The following UNK variants were observed in gnomAD, a reference collection of about 807,000 sequenced individuals.
The protein encoded by UNK is RING finger protein unkempt homolog.
In UNK, 32 loss-of-function variants were observed where a neutral mutation model predicts 97.6. That is an observed-to-expected ratio of 0.33 (90% CI 0.25 to 0.44). The LOEUF is 0.44. Ranked by LOEUF, UNK falls within the 20% of genes least tolerant of loss-of-function variation. The pLI, the probability that UNK is intolerant of heterozygous loss-of-function variation, is 1.00. For synonymous variants in UNK, 441 were observed against 461.2 expected (o/e 0.96, Z 0.56); for missense variants, 771 against 1,098.4 (o/e 0.70, Z 4.21).
chr17:75,818,724 C>A lies in UNK; in HGVS notation c.1454C>A (p.Pro485His). 2 of 1,613,310 alleles carry A rather than the reference C, an allele frequency of 1.2e-6. No homozygotes were observed. Among genetic ancestry groups the A allele is most frequent in the Non-Finnish European group, 1.7e-6 (2 of 1,179,580 alleles). ...SSITSSLAAT[P>H]PSPVGTSSVP... Reference sequence around the variant, plus strand: ...ATCACCTCCAGCCTGGCAGCTACCCCCCCTAGCCCAGTGGGCACCAGCAGC... The same window carrying A: ...ATCACCTCCAGCCTGGCAGCTACCCACCCTAGCCCAGTGGGCACCAGCAGC... The change falls in exon 11 of 16, where the codon CCC becomes CAC. Residue 485 changes from proline to histidine, a missense_variant. By Grantham distance (77) the Pro-to-His change is moderately conservative. Coordinates refer to ENST00000589666, the MANE Select transcript of UNK (RefSeq NM_001080419.3). This position sits in a 1 kb window ranked among gnomAD's most constrained non-coding sequence, Gnocchi z 5.1.
intron 4 of UNK, among the ~76,000 whole-genome samples, chr17:75,812,872 GTC>G (rs1017928367): frequency 5.3e-5 from 8 of 152,252 alleles, no homozygotes; most frequent in African/African-American, 1.9e-4. Flanking sequence ...AGCTGTGAGT[GTC>G]TCTCTGATGG....
At chr17:75,799,006 C>CA (rs1196606502) in intron 1 of UNK, among the ~76,000 whole-genome samples, 1 of 151,400 alleles carries the variant, frequency 6.6e-6, no homozygotes, top group East Asian at 1.9e-4. Context: ...GCGGAGCTTG[C>CA]AGTGAGCCGA....
chr17:75,785,260 T>G (rs1439654479), intron 1 of UNK: 5 of 409,024 alleles, frequency 1.2e-5, no homozygotes, highest in Non-Finnish European at 2.2e-5. Flanking sequence ...AGGCCAGGCC[T>G]TCGAGGCCTA....
At chr17:75,795,259 A>G (rs1444644333) in intron 1 of UNK, among the ~76,000 whole-genome samples, 2 of 152,082 alleles carry the variant, frequency 1.3e-5, no homozygotes, top group African/African-American at 4.8e-5. Flanking sequence ...GGGTCATAAA[A>G]CTGGAGGTTT....
In UNK at chr17:75,819,892, G is replaced by C; in HGVS notation, c.1649-28G>C. The C allele has an allele frequency of 6.2e-7, 1 of 1,602,316 alleles. No individual in the cohort carries two copies. The highest frequency in any genetic ancestry group is 1.3e-5 in the African/African-American group (1 of 74,836). On this transcript the variant is annotated intron_variant, in intron 12 of 15. Transcript: ENST00000589666. This position sits in a 1 kb window ranked among gnomAD's most constrained non-coding sequence, Gnocchi z 5.4. Reference sequence around the variant, plus strand: ...GCCTGGCTTCCGCTGCCCTCACCCAGCCCGTCCTCCCCGGGCCTCTCTTGC... The same window carrying C: ...GCCTGGCTTCCGCTGCCCTCACCCACCCCGTCCTCCCCGGGCCTCTCTTGC...
chr17:75,796,917 G>A (rs2143700863), intron 1 of UNK, among the ~76,000 whole-genome samples: 1 of 152,266 alleles, frequency 6.6e-6, no homozygotes, highest in Non-Finnish European at 1.5e-5. Flanking sequence ...AAGAACCTTT[G>A]ATAAGCCGTG....
At chr17:75,823,807 G>A (rs1162739637) in intron 15 of UNK, among the ~76,000 whole-genome samples, 6 of 152,190 alleles carry the variant, frequency 3.9e-5, no homozygotes, top group African/African-American at 1.4e-4. Flanking sequence ...GCGTCCTCCT[G>A]TACACCCTCC....
At chr17:75,805,873 C>G (rs2061909988) in intron 1 of UNK, among the ~76,000 whole-genome samples, 1 of 150,096 alleles carries the variant, frequency 6.7e-6, no homozygotes, top group Non-Finnish European at 1.5e-5. Context: ...ATTATAGAAT[C>G]AGAATTAACA....
At chr17:75,820,871 G>GC (rs2062061706) in intron 13 of UNK, among the ~76,000 whole-genome samples, 1 of 152,128 alleles carries the variant, frequency 6.6e-6, no homozygotes, top group Non-Finnish European at 1.5e-5. Flanking sequence ...CAGGGAATGA[G>GC]CCCTTCAGAG....
At chr17:75,791,993 C>T in intron 1 of UNK, 2 of 985,440 alleles carry the variant, frequency 2.0e-6, no homozygotes, top group Non-Finnish European at 2.4e-6. Flanking sequence ...CACGTCCTCC[C>T]GCTTTTCAAC....
rs145052253 is a variant in UNK at position 75,819,394 on chromosome 17, G to T, written c.1547-290G>T. Among the ~76,000 whole-genome samples the T allele has an allele frequency of 7.0e-4, 106 of 152,316 alleles. No individual in the cohort carries two copies. The highest frequency in any genetic ancestry group is 1.2e-3 in the Non-Finnish European group (80 of 68,030). On this transcript the variant is annotated intron_variant, in intron 11 of 15. Coordinates refer to ENST00000589666, the MANE Select transcript of UNK (RefSeq NM_001080419.3). The surrounding 1 kb of genome is among the most constrained non-coding windows in gnomAD (Gnocchi z 5.4). ...AGACCCTTGAGTTGTAACATCAGGG[G>T]ACAAGACCCTTGTCCGAGGCAGGGA...
rs749151171 is a variant in UNK at position 75,812,437 on chromosome 17, T to C, written c.492-18T>C. 1.2e-6 allele frequency: 2 copies of C among 1,608,102 alleles called. No homozygotes were observed. The highest frequency in any genetic ancestry group is 1.7e-6 in the Non-Finnish European group (2 of 1,177,488). On this transcript the variant is annotated intron_variant, in intron 3 of 15. Transcript: ENST00000589666. Reference sequence around the variant, plus strand: ...CATGCCCCCTCTCCACCCTCTCTGTTCTTTCCTCTCCTCCCAGGGAGCTTC... The same window carrying C: ...CATGCCCCCTCTCCACCCTCTCTGTCCTTTCCTCTCCTCCCAGGGAGCTTC...
chr17:75,821,792 T>C (rs1302221602), intron 13 of UNK: 2 of 451,234 alleles, frequency 4.4e-6, no homozygotes, highest in African/African-American at 4.0e-5. Flanking sequence ...TTAGTAAACA[T>C]CTGTTGAGCG....
Position 75,819,782 on chromosome 17 carries a change from A to T in UNK, c.1645A>T (p.Ile549Phe), listed in dbSNP as rs1458285676. The change falls in exon 12 of 16, where the codon ATC (isoleucine) becomes TTC (phenylalanine). Residue 549 changes from isoleucine to phenylalanine, a missense_variant. Coordinates refer to ENST00000589666, the MANE Select transcript of UNK (RefSeq NM_001080419.3). This position sits in a 1 kb window ranked among gnomAD's most constrained non-coding sequence, Gnocchi z 5.4. Reference sequence around the variant, plus strand: ...AGTGCCCCACCCAGGAAGCATCACCATCGGTACTGGGTGTGGGTGGGCAGG... The same window carrying T: ...AGTGCCCCACCCAGGAAGCATCACCTTCGGTACTGGGTGTGGGTGGGCAGG... ...STVPHPGSIT[I>F]GGSLLQSSAP... 2 of 1,613,762 alleles carry T rather than the reference A, an allele frequency of 1.2e-6. No individual in the cohort carries two copies. Among genetic ancestry groups the T allele is most frequent in the Non-Finnish European group, 8.5e-7 (1 of 1,179,868 alleles).
At chr17:75,821,911 C>T (rs899879207) in intron 13 of UNK, 23 of 346,692 alleles carry the variant, frequency 6.6e-5, no homozygotes, top group South Asian at 3.2e-4. Context: ...GTGTCCTGGC[C>T]CTACCACTTA....
chr17:75,799,123 C>A (rs577595761), intron 1 of UNK, among the ~76,000 whole-genome samples: 7 of 149,980 alleles, frequency 4.7e-5, no homozygotes, highest in African/African-American at 1.7e-4. Flanking sequence ...GCAGCCTGGG[C>A]AACATGGCGA....
chr17:75,816,377 G>A lies in UNK; in HGVS notation c.962-393G>A, dbSNP rs1234219754. 1.3e-5 allele frequency among the ~76,000 whole-genome samples: 2 copies of A among 152,212 alleles called. No homozygotes were observed. Among genetic ancestry groups the A allele is most frequent in the Admixed American group, 1.3e-4 (2 of 15,292 alleles). On this transcript the variant is annotated intron_variant, in intron 7 of 15. Transcript: ENST00000589666. This position sits in a 1 kb window ranked among gnomAD's most constrained non-coding sequence, Gnocchi z 4.0. ...GATGCAGAGGTGGTCCCCGGCCATGGGCATTGGGACCGCCTGGCTGAGACG... is the reference window on the plus strand; with the variant it reads ...GATGCAGAGGTGGTCCCCGGCCATGAGCATTGGGACCGCCTGGCTGAGACG...
chr17:75,812,566 C>T lies in UNK; in HGVS notation c.603C>T (p.Ser201=), dbSNP rs753446532. Residue 201 remains serine (S), a synonymous_variant, in exon 4 of 16, where the codon AGC becomes AGT. Transcript: ENST00000589666. ...ASHAMIEKIL[S]EEPRWQETAY... ...ATGCCATGATAGAAAAGATCCTCAG[C>T]GAGGAGCCTCGGTGGCAAGGTACAG... 8.7e-6 allele frequency: 14 copies of T among 1,612,942 alleles called. No homozygotes were observed. The highest frequency in any genetic ancestry group is 5.0e-5 in the Admixed American group (3 of 59,970).
chr17:75,824,393 C>T lies in UNK; in HGVS notation c.2409C>T (p.Gly803=), dbSNP rs754738595. ...GCGAGTGCCCCATCTGCCAGCCTGGCCGGGCCCACACCCTCCAGTCGTGAC... is the reference window on the plus strand; with the variant it reads ...GCGAGTGCCCCATCTGCCAGCCTGGTCGGGCCCACACCCTCCAGTCGTGAC... ...EGSECPICQP[G]RAHTLQS is the part of the protein sequence containing the mutation. Residue 803 remains glycine (G), a synonymous_variant, in exon 16 of 16, where the codon GGC becomes GGT. Transcript: ENST00000589666. This position sits in a 1 kb window ranked among gnomAD's most constrained non-coding sequence, Gnocchi z 4.9. 19 of 1,563,048 alleles carry T rather than the reference C, an allele frequency of 1.2e-5. 2 individuals carry two copies. In the South Asian group the frequency reaches 2.2e-4, roughly 18 times the overall value.
Sources: gnomAD v4.1 joint callset for allele counts (sites outside exome capture counted in the v4.1 genomes callset) on GRCh38, gnomAD v4.1.1 for gene constraint, Gnocchi (gnomAD v3.1) non-coding constraint, MANE v1.5 for transcripts, NCBI Gene and HGNC (gene_info 2026-07-23, HGNC 2026-07-21) for gene names.